The following MGAT3 variants were observed in gnomAD, a reference collection of about 807,000 sequenced individuals.
MGAT3 encodes beta-1,4-mannosyl-glycoprotein 4-beta-N-acetylglucosaminyltransferase.
A neutral mutation model predicts 29.8 loss-of-function variants in MGAT3; 9 were observed. The ratio of observed to expected loss-of-function variants is 0.30; its 90% confidence interval spans 0.18 to 0.53. MGAT3 has a LOEUF of 0.53. Among genes scored for constraint, MGAT3 ranks in the 20% least tolerant of loss-of-function variants. MGAT3 has a pLI of 0.96. For synonymous variants in MGAT3, 397 were observed against 348.9 expected, an observed-to-expected ratio of 1.14 and a Z score of -1.54; for missense variants, 557 against 769.5, an observed-to-expected ratio of 0.72 and a Z score of 3.27.
At position 39,488,214 on chromosome 22, in the gene MGAT3, C is replaced by T. The variant is rs144639692; in HGVS notation, c.867C>T (p.Asp289=). The change falls in exon 2 of 2, where the codon GAC becomes GAT. Residue 289 remains aspartate (D), a synonymous_variant. Coordinates refer to ENST00000341184, the MANE Select transcript of MGAT3 (RefSeq NM_002409.5). ...PGGRQDGWIA[D]DYLRTFLTQD... ...GCCGGCAGGACGGCTGGATCGCCGA[C>T]GACTACCTGCGCACCTTCCTCACCC... 52 of 1,612,624 alleles carry T rather than the reference C, an allele frequency of 3.2e-5. No individual in the cohort carries two copies. The African/African-American group carries it at 5.5e-4, about 17-fold the overall frequency.
intron 1 of MGAT3, among the ~76,000 whole-genome samples, chr22:39,478,384 C>G (rs930906510): frequency 6.6e-6 from 1 of 152,234 alleles, no homozygotes; most frequent in Non-Finnish European, 1.5e-5. Context: ...CCCCTTCTCC[C>G]AGTTGGAGGA....
Position 39,489,134 on chromosome 22 carries a change from A to G in MGAT3, c.*185A>G. On this transcript the variant is annotated 3_prime_UTR_variant, in exon 2 of 2. Transcript: ENST00000341184. Reference sequence around the variant, plus strand: ...AAGGGTCAGGCCTTTGAGCTCAGAAAATATCCCTCCTGTTGGGAGAGGGCG... The same window carrying G: ...AAGGGTCAGGCCTTTGAGCTCAGAAGATATCCCTCCTGTTGGGAGAGGGCG... 1.2e-6 allele frequency: 1 copy of G among 830,988 alleles called. No individual in the cohort carries two copies. Among genetic ancestry groups the G allele is most frequent in the East Asian group, 2.7e-5 (1 of 37,154 alleles). 51.5% of individuals were successfully genotyped at this position (830,988 alleles called of 1,614,324 possible). A position where few individuals can be genotyped will look rare whatever the true frequency, so the allele number is the denominator to read the frequency against.
chr22:39,467,976 T>C (rs898352241), intron 1 of MGAT3, among the ~76,000 whole-genome samples: 4 of 151,832 alleles, frequency 2.6e-5, no homozygotes, highest in African/African-American at 4.8e-5. Context: ...AGTGGGCACA[T>C]TGGCAGCTCT....
In MGAT3 at chr22:39,488,583, G is replaced by A. The variant is rs1929358982; in HGVS notation, c.1236G>A (p.Leu412=). 6.2e-7 allele frequency: 1 copy of A among 1,613,234 alleles called. No homozygotes were observed. The highest frequency in any genetic ancestry group is 8.5e-7 in the Non-Finnish European group (1 of 1,180,008). Residue 412 remains leucine (L), a synonymous_variant, in exon 2 of 2, where the codon CTG becomes CTA. Coordinates refer to ENST00000341184, the MANE Select transcript of MGAT3 (RefSeq NM_002409.5). ...TGCAGTGGTCGCTGGGCAGCCCCCT[G>A]CACTTCGCCGGCTGGCACTGCTCCT... ...ILVQWSLGSP[L]HFAGWHCSWC...
In MGAT3 at chr22:39,487,781, C is replaced by T; in HGVS notation, c.434C>T (p.Ala145Val). Residue 145 changes from alanine to valine, a missense_variant, in exon 2 of 2, where the codon GCC (alanine) becomes GTC (valine). By Grantham distance (64) the Ala-to-Val change is moderately conservative. This residue lies in a region of MGAT3 where 212 missense variants were observed against 228.5 expected (regional missense o/e 0.93). Coordinates refer to ENST00000341184, the MANE Select transcript of MGAT3 (RefSeq NM_002409.5). The surrounding 1 kb of genome is among the most constrained non-coding windows in gnomAD (Gnocchi z 5.7). ...CCTGAGGGGGCCAACGGCTCCTCGG[C>T]CCGGCGGCCACCCCGGTACCTCCTG... ...EKPEGANGSS[A>V]RRPPRYLLSA... The T allele has an allele frequency of 6.7e-7, 1 of 1,492,710 alleles. No homozygotes were observed. 92.5% of individuals were successfully genotyped at this position (1,492,710 alleles called of 1,614,324 possible).
Position 39,487,983 on chromosome 22 carries a change from C to T in MGAT3, c.636C>T (p.Ile212=). The change falls in exon 2 of 2, where the codon ATC becomes ATT. Residue 212 remains isoleucine, a synonymous_variant. Coordinates refer to ENST00000341184, the MANE Select transcript of MGAT3 (RefSeq NM_002409.5). This position sits in a 1 kb window ranked among gnomAD's most constrained non-coding sequence, Gnocchi z 5.7. ...TGCCGCGCCGCGTCATCAACGCCAT[C>T]AACGTCAACCACGAGTTCGACCTGC... ...REVPRRVINA[I]NVNHEFDLLD... is the part of the protein sequence containing the mutation. 3.1e-6 allele frequency: 5 copies of T among 1,612,898 alleles called. No individual in the cohort carries two copies. Among genetic ancestry groups the T allele is most frequent in the Non-Finnish European group, 4.2e-6 (5 of 1,179,860 alleles).
chr22:39,488,301 G>C lies in MGAT3; in HGVS notation c.954G>C (p.Ala318=), dbSNP rs746716741. The change falls in exon 2 of 2, where the codon GCG becomes GCC. Residue 318 remains alanine (A), a synonymous_variant. Transcript: ENST00000341184. ...RPDDVFIIDD[A]DEIPARDGVL... ...ACGACGTCTTCATCATTGACGATGC[G>C]GACGAGATCCCGGCCCGTGACGGCG... 2 of 1,611,856 alleles carry C rather than the reference G, an allele frequency of 1.2e-6. No individual in the cohort carries two copies. The highest frequency in any genetic ancestry group is 2.2e-5 in the East Asian group (1 of 44,866).
chr22:39,460,156 C>T (rs144431157), intron 1 of MGAT3, among the ~76,000 whole-genome samples: 1 of 152,372 alleles, frequency 6.6e-6, no homozygotes, highest in Non-Finnish European at 1.5e-5. Context: ...AGCCCCTTTG[C>T]TCCCCAGAGT....
intron 1 of MGAT3, among the ~76,000 whole-genome samples, chr22:39,463,294 C>T (rs986518285): frequency 6.6e-6 from 1 of 152,206 alleles, no homozygotes; most frequent in Admixed American, 6.5e-5. Flanking sequence ...GTTGGGGGTC[C>T]ACAGCTGGGA....
intron 1 of MGAT3, among the ~76,000 whole-genome samples, chr22:39,463,191 A>G (rs760161122): frequency 6.6e-6 from 1 of 152,214 alleles, no homozygotes; most frequent in African/African-American, 2.4e-5. Context: ...GGGCCAACCA[A>G]CCACTTTCTA....
intron 1 of MGAT3, among the ~76,000 whole-genome samples, chr22:39,471,915 C>T (rs1388533868): frequency 2.0e-5 from 3 of 152,052 alleles, no homozygotes; most frequent in African/African-American, 7.2e-5. Flanking sequence ...CCTGAGCAGG[C>T]TGGGCTGAGG....
intron 1 of MGAT3, among the ~76,000 whole-genome samples, chr22:39,484,773 C>T (rs143756620): frequency 2.4e-4 from 36 of 151,580 alleles, no homozygotes; most frequent in Admixed American, 2.1e-3. Flanking sequence ...GAAGCTGAGG[C>T]GGGCAGATCA....
intron 1 of MGAT3, among the ~76,000 whole-genome samples, chr22:39,461,220 C>T (rs1928489114): frequency 6.6e-6 from 1 of 152,100 alleles, no homozygotes; most frequent in Non-Finnish European, 1.5e-5. Flanking sequence ...TCAGCGGGTG[C>T]TTAATAGATG....
At chr22:39,458,315 G>C (rs762398334) in intron 1 of MGAT3, among the ~76,000 whole-genome samples, 1 of 146,946 alleles carries the variant, frequency 6.8e-6, no homozygotes, top group Non-Finnish European at 1.5e-5. Flanking sequence ...GCCAGACCTA[G>C]TGGTCTGAGG....
intron 1 of MGAT3, among the ~76,000 whole-genome samples, chr22:39,467,535 C>A (rs1340364084): frequency 2.0e-5 from 3 of 152,150 alleles, no homozygotes; most frequent in Non-Finnish European, 4.4e-5. Flanking sequence ...AGGAGCCCTG[C>A]TGCTGGGCAC....
At chr22:39,486,235 C>A (rs762753445) in intron 1 of MGAT3, 3 of 397,140 alleles carry the variant, frequency 7.6e-6, no homozygotes, top group Non-Finnish European at 1.5e-5. Context: ...GCAACTTCCG[C>A]CCCCTGGGTT....
Position 39,477,910 on chromosome 22 carries a change from G to A in MGAT3, c.-1-9437G>A, listed in dbSNP as rs112412067. Among the ~76,000 whole-genome samples the A allele has an allele frequency of 4.6e-3, 694 of 152,336 alleles. 8 individuals carry two copies. Among genetic ancestry groups the A allele is most frequent in the African/African-American group, 0.015 (616 of 41,560 alleles). On this transcript the variant is annotated intron_variant, in intron 1 of 1. Coordinates refer to ENST00000341184, the MANE Select transcript of MGAT3 (RefSeq NM_002409.5). ...GTGAGACAGAAACGGTTATACCTCC[G>A]TATCGTGGAGGGGGAAACTGAGGCA... is the stretch of plus-strand genomic sequence containing the variant.
chr22:39,464,415 C>T (rs1297158707), intron 1 of MGAT3, among the ~76,000 whole-genome samples: 1 of 151,556 alleles, frequency 6.6e-6, no homozygotes, highest in Non-Finnish European at 1.5e-5. Context: ...GTGCCTGGCA[C>T]GTAGAAGGCA....
intron 1 of MGAT3, among the ~76,000 whole-genome samples, chr22:39,486,943 G>T (rs1197386918): frequency 6.6e-6 from 1 of 152,202 alleles, no homozygotes; most frequent in Admixed American, 6.5e-5. Flanking sequence ...CAGGAGGGCA[G>T]CCTACAGCCT....
Sources: allele counts gnomAD v4.1 joint callset (sites outside exome capture counted in the v4.1 genomes callset), GRCh38; gene constraint gnomAD v4.1.1; regional missense constraint gnomAD v4.1.1; non-coding constraint Gnocchi (gnomAD v3.1); transcripts MANE v1.5; gene names NCBI Gene and HGNC (gene_info 2026-07-23, HGNC 2026-07-21).